The following KCNK9 variants were observed in gnomAD, a reference collection of about 807,000 sequenced individuals.
KCNK9 encodes potassium two pore domain channel subfamily K member 9.
A neutral mutation model predicts 10.8 loss-of-function variants in KCNK9; 1 was observed. That is an observed-to-expected ratio of 0.09 (90% confidence interval 0.03 to 0.44). KCNK9 has a LOEUF of 0.44. Ranked by LOEUF, KCNK9 falls within the 20% of genes least tolerant of loss-of-function variation. KCNK9 has a pLI of 0.97. For synonymous variants in KCNK9, 231 were observed against 222.7 expected, an observed-to-expected ratio of 1.04 and a Z score of -0.33; for missense variants, 303 against 515.0, an observed-to-expected ratio of 0.59 and a Z score of 3.98.
chr8:139,618,588 G>C lies in KCNK9; in HGVS notation c.795C>G (p.Ala265=), dbSNP rs776896921. The stretch of plus-strand genomic sequence containing the variant: ...GAATGACCATGCTGTTGCGGTTTCC[G>C]GCGAGGGATGCCCTCTCTTCAGCAT... ...RRDAEERASL[A]GNRNSMVIHI... Residue 265 remains alanine, a synonymous_variant, in exon 2 of 2, where the codon GCC becomes GCG. Transcript: ENST00000520439. This position sits in a 1 kb window ranked among gnomAD's most constrained non-coding sequence, Gnocchi z 7.9. The C allele has an allele frequency of 1.2e-6, 2 of 1,613,708 alleles. No individual in the cohort carries two copies. Among genetic ancestry groups the C allele is most frequent in the Non-Finnish European group, 1.7e-6 (2 of 1,179,764 alleles).
chr8:139,700,526 ACACACACACACACGCGCG>A (rs1259060407), intron 1 of KCNK9, among the ~76,000 whole-genome samples: 62 of 124,184 alleles, frequency 5.0e-4, no homozygotes, highest in South Asian at 2.6e-3. Context: ...GCGCGCACAC[ACACACACACACACGCGCG>A]CACACACACA....
chr8:139,699,130 C>T (rs969426095), intron 1 of KCNK9, among the ~76,000 whole-genome samples: 1 of 152,226 alleles, frequency 6.6e-6, no homozygotes, highest in African/African-American at 2.4e-5. Context: ...CAGATGAGAT[C>T]TGATTTCTAA....
chr8:139,661,204 C>T (rs1196360662), intron 1 of KCNK9, among the ~76,000 whole-genome samples: 2 of 152,220 alleles, frequency 1.3e-5, no homozygotes, highest in East Asian at 1.9e-4. Context: ...ACTGAAGACG[C>T]TGAGTTGGGC....
intron 1 of KCNK9, among the ~76,000 whole-genome samples, chr8:139,688,763 G>A (rs1006481579): frequency 1.3e-5 from 2 of 152,200 alleles, no homozygotes; most frequent in African/African-American, 4.8e-5. Flanking sequence ...ACCATAGTAA[G>A]ATAAACTCAG....
chr8:139,621,756 G>C (rs2130112869), intron 1 of KCNK9, among the ~76,000 whole-genome samples: 1 of 152,264 alleles, frequency 6.6e-6, no homozygotes, highest in Non-Finnish European at 1.5e-5. Flanking sequence ...CAAACAAGTA[G>C]GGTAAATATA....
At chr8:139,633,641 C>T (rs192757253) in intron 1 of KCNK9, among the ~76,000 whole-genome samples, 9 of 152,330 alleles carry the variant, frequency 5.9e-5, no homozygotes, top group Admixed American at 1.3e-4. Flanking sequence ...CCCAGGCCCT[C>T]CCTTACATAA....
intron 1 of KCNK9, among the ~76,000 whole-genome samples, chr8:139,671,210 G>A (rs1038759636): frequency 2.0e-5 from 3 of 152,244 alleles, no homozygotes; most frequent in African/African-American, 7.2e-5. Flanking sequence ...TGGCTGCCCA[G>A]CCTGAAGGGC....
At chr8:139,613,252 C>T (rs543915857), downstream of KCNK9, among the ~76,000 whole-genome samples, 79 of 152,168 alleles carry the variant, frequency 5.2e-4, 2 homozygotes, top group Middle Eastern at 0.031. Flanking sequence ...GGGGTCTGGG[C>T]GAGAGGTCTA....
chr8:139,676,300 C>A (rs1361882935), intron 1 of KCNK9, among the ~76,000 whole-genome samples: 1 of 152,250 alleles, frequency 6.6e-6, no homozygotes, highest in East Asian at 1.9e-4. Flanking sequence ...ATTCCCCCAA[C>A]CCACTTCTAG....
chr8:139,699,836 G>A (rs1817157233), intron 1 of KCNK9, among the ~76,000 whole-genome samples: 1 of 152,214 alleles, frequency 6.6e-6, no homozygotes, highest in Non-Finnish European at 1.5e-5. Flanking sequence ...CTGCATCTGA[G>A]AAGAAGCCTT....
intron 1 of KCNK9, among the ~76,000 whole-genome samples, chr8:139,639,527 A>G (rs896811883): frequency 4.6e-5 from 7 of 152,238 alleles, no homozygotes; most frequent in African/African-American, 1.7e-4. Flanking sequence ...CTGATGAAGG[A>G]CAAGGACTGG....
chr8:139,665,188 G>A (rs746206081), intron 1 of KCNK9, among the ~76,000 whole-genome samples: 7 of 152,156 alleles, frequency 4.6e-5, no homozygotes, highest in Non-Finnish European at 8.8e-5. Context: ...TCAAGGGGTC[G>A]CAGGGCTGCC....
downstream of KCNK9, among the ~76,000 whole-genome samples, chr8:139,610,492 C>A (rs1315695936): frequency 6.6e-6 from 1 of 152,204 alleles, no homozygotes; most frequent in Non-Finnish European, 1.5e-5. Context: ...AAGATTTCAT[C>A]AAGACAAGAC....
intron 1 of KCNK9, among the ~76,000 whole-genome samples, chr8:139,685,331 G>A (rs534447920): frequency 4.0e-5 from 6 of 151,848 alleles, no homozygotes; most frequent in African/African-American, 7.2e-5. Context: ...TGTGCGCAAC[G>A]TGCAGGTTTG....
At chr8:139,619,940 A>G (rs555027411) in intron 1 of KCNK9, among the ~76,000 whole-genome samples, 1 of 152,408 alleles carries the variant, frequency 6.6e-6, no homozygotes, top group Non-Finnish European at 1.5e-5. Context: ...GATAGAAATG[A>G]GGAAACAACC....
chr8:139,661,650 G>A (rs776930133), intron 1 of KCNK9, among the ~76,000 whole-genome samples: 44 of 152,312 alleles, frequency 2.9e-4, no homozygotes, highest in Non-Finnish European at 5.3e-4. Flanking sequence ...CCCAGCTCCA[G>A]GGAACTTTGA....
At chr8:139,672,927 C>T (rs186456669) in intron 1 of KCNK9, among the ~76,000 whole-genome samples, 4 of 152,154 alleles carry the variant, frequency 2.6e-5, no homozygotes, top group African/African-American at 9.7e-5. Context: ...CTGCGCCAGG[C>T]GGGAGAGGGC....
intron 1 of KCNK9, among the ~76,000 whole-genome samples, chr8:139,653,688 A>T (rs563920349): frequency 6.6e-6 from 1 of 152,314 alleles, no homozygotes; most frequent in African/African-American, 2.4e-5. Flanking sequence ...TAGATACTCA[A>T]ACGCAAATCA....
At chr8:139,668,741 T>A (rs1334659621) in intron 1 of KCNK9, among the ~76,000 whole-genome samples, 3 of 152,234 alleles carry the variant, frequency 2.0e-5, no homozygotes, top group African/African-American at 7.2e-5. Flanking sequence ...AACTCTTACA[T>A]GCACTGGGAA....
Sources: allele counts gnomAD v4.1 joint callset (sites outside exome capture counted in the v4.1 genomes callset), GRCh38; gene constraint gnomAD v4.1.1; non-coding constraint Gnocchi (gnomAD v3.1); transcripts MANE v1.5; gene names NCBI Gene and HGNC (gene_info 2026-07-23, HGNC 2026-07-21).